ADCY2: variants seen among roughly 807,000 people sequenced by gnomAD.
The protein encoded by ADCY2 is adenylate cyclase type 2.
Under a neutral mutation model 125.2 loss-of-function variants are expected in ADCY2, and 31 were observed. The observed-to-expected ratio is 0.25, with a 90% CI of 0.19 to 0.33. The LOEUF (loss-of-function observed/expected upper bound fraction) is 0.33. Among genes scored for constraint, ADCY2 ranks in the 10% least tolerant of loss-of-function variants. The probability of loss-of-function intolerance (pLI) is 1.00; values close to 1 mark genes in which losing one functional copy is unlikely to be tolerated. For missense variants in ADCY2, 904 were observed against 1,418.2 expected (o/e 0.64, Z 5.82); for synonymous variants, 512 against 548.4 (o/e 0.93, Z 0.93).
chr5:7,410,835 T>A (rs1358621333), intron 1 of ADCY2, among the ~76,000 whole-genome samples: 1 of 152,194 alleles, frequency 6.6e-6, no homozygotes, highest in African/African-American at 2.4e-5. Flanking sequence ...TAAGCTAGTC[T>A]GTCTGTTTTA....
In ADCY2 at chr5:7,715,345, C is replaced by T. The variant is rs558754630; in HGVS notation, c.1623-1812C>T. Among the ~76,000 whole-genome samples the T allele has an allele frequency of 5.3e-5, 8 of 152,240 alleles. No individual in the cohort carries two copies. The East Asian group carries it at 5.8e-4, about 11-fold the overall frequency. Reference sequence around the variant, plus strand: ...TCATTGTTAGCACTGGACAAAATATCGAAGAATTACATTTTCCTGTAAGCC... The same window carrying T: ...TCATTGTTAGCACTGGACAAAATATTGAAGAATTACATTTTCCTGTAAGCC... On this transcript the variant is annotated intron_variant, in intron 11 of 24. Coordinates refer to ENST00000338316, the MANE Select transcript of ADCY2 (RefSeq NM_020546.3).
chr5:7,518,432 C>G (rs1011781854), intron 2 of ADCY2, among the ~76,000 whole-genome samples: 1 of 152,118 alleles, frequency 6.6e-6, no homozygotes, highest in Non-Finnish European at 1.5e-5. Flanking sequence ...TACTTTTTGC[C>G]TTGGTTTCAC....
chr5:7,421,221 C>T (rs893977801), intron 2 of ADCY2, among the ~76,000 whole-genome samples: 4 of 152,186 alleles, frequency 2.6e-5, no homozygotes, highest in Non-Finnish European at 5.9e-5. Context: ...TGTAACTAAG[C>T]CTCTTTCAAG....
chr5:7,666,972 G>A (rs1739778597), intron 4 of ADCY2, among the ~76,000 whole-genome samples: 1 of 152,176 alleles, frequency 6.6e-6, no homozygotes, highest in Admixed American at 6.5e-5. Context: ...ACTCCTCAGG[G>A]ATGGGTTGTG....
intron 4 of ADCY2, among the ~76,000 whole-genome samples, chr5:7,662,751 T>C (rs1739575100): frequency 6.6e-6 from 1 of 152,202 alleles, no homozygotes; most frequent in South Asian, 2.1e-4. Context: ...CCTATCCTGG[T>C]TGTCAGCCTG....
intron 3 of ADCY2, among the ~76,000 whole-genome samples, chr5:7,532,889 C>T (rs1734695987): frequency 6.6e-6 from 1 of 151,796 alleles, no homozygotes; most frequent in African/African-American, 2.4e-5. Context: ...ATAACAAACA[C>T]TTATGCAGCT....
intron 2 of ADCY2, among the ~76,000 whole-genome samples, chr5:7,447,723 T>C (rs1184096019): frequency 6.6e-6 from 1 of 152,126 alleles, no homozygotes; most frequent in African/African-American, 2.4e-5. Context: ...GGGAGCTGGA[T>C]CTTGCAGATG....
chr5:7,589,515 G>GAAAAC (rs1196660906), intron 3 of ADCY2, among the ~76,000 whole-genome samples: 1 of 54,154 alleles, frequency 1.8e-5, no homozygotes, highest in Non-Finnish European at 4.6e-5. Flanking sequence ...AGAAAGAAAA[G>GAAAAC]AAAAGAAAGA....
At chr5:7,537,479 G>A (rs780567809) in intron 3 of ADCY2, among the ~76,000 whole-genome samples, 2 of 152,058 alleles carry the variant, frequency 1.3e-5, no homozygotes, top group Non-Finnish European at 2.9e-5. Flanking sequence ...CCCACTTGTC[G>A]CCTCCTCCAT....
At chr5:7,487,110 T>C (rs1446879876) in intron 2 of ADCY2, among the ~76,000 whole-genome samples, 1 of 152,218 alleles carries the variant, frequency 6.6e-6, no homozygotes, top group East Asian at 1.9e-4. Flanking sequence ...AGGCTATGTG[T>C]GTGATTGCTT....
intron 17 of ADCY2, among the ~76,000 whole-genome samples, chr5:7,772,714 G>A (rs975099324): frequency 6.7e-6 from 1 of 148,814 alleles, no homozygotes; most frequent in Non-Finnish European, 1.5e-5. Context: ...TATTTATCAT[G>A]CAAGGTTGAG....
chr5:7,419,022 G>A (rs16878634), intron 2 of ADCY2, among the ~76,000 whole-genome samples: 2,713 of 152,176 alleles, frequency 0.018, 77 homozygotes, highest in African/African-American at 0.061. Flanking sequence ...GTTGCGGCAC[G>A]TTCACTTTGC....
In ADCY2 at chr5:7,763,488, A is replaced by G. The variant is rs1324013993; in HGVS notation, c.2095-3199A>G. On this transcript the variant is annotated intron_variant, in intron 16 of 24. Coordinates refer to ENST00000338316, the MANE Select transcript of ADCY2 (RefSeq NM_020546.3). Reference sequence around the variant, plus strand: ...TTTAGTAACATTAAGTACATTTGCAATGTTGCGCGACCATCACTACCATCT... The same window carrying G: ...TTTAGTAACATTAAGTACATTTGCAGTGTTGCGCGACCATCACTACCATCT... Among the ~76,000 whole-genome samples the G allele has an allele frequency of 2.6e-5, 4 of 152,128 alleles. No individual in the cohort carries two copies. In the South Asian group the frequency reaches 8.3e-4, roughly 32 times the overall value.
At chr5:7,552,495 G>C (rs191402132) in intron 3 of ADCY2, among the ~76,000 whole-genome samples, 44 of 152,220 alleles carry the variant, frequency 2.9e-4, no homozygotes, top group Admixed American at 2.7e-3. Flanking sequence ...AAGAATATTA[G>C]AAGAAATTTT....
intron 2 of ADCY2, among the ~76,000 whole-genome samples, chr5:7,463,727 C>T (rs1403653506): frequency 6.6e-6 from 1 of 151,988 alleles, no homozygotes; most frequent in East Asian, 1.9e-4. Flanking sequence ...ATTTACTCTT[C>T]CCCTCCAGAA....
intron 3 of ADCY2, among the ~76,000 whole-genome samples, chr5:7,615,642 C>T (rs1228510774): frequency 6.6e-6 from 1 of 152,112 alleles, no homozygotes; most frequent in East Asian, 1.9e-4. Context: ...GGTTTCCAGA[C>T]TGTGTTCCAA....
Position 7,690,720 on chromosome 5 carries a change from C to T in ADCY2, c.750C>T (p.Ala250=). ...GGCTTCTGCTCTCCCTGCTGCCGGC[C>T]CACATCGCCATGGAGATGAAAGCGG... ...QERLLLSLLP[A]HIAMEMKAEI... is the part of the protein sequence containing the mutation. The change falls in exon 5 of 25, where the codon GCC becomes GCT. Residue 250 remains alanine (A), a synonymous_variant. Coordinates refer to ENST00000338316, the MANE Select transcript of ADCY2 (RefSeq NM_020546.3). The T allele has an allele frequency of 5.0e-6, 8 of 1,602,636 alleles. No individual in the cohort carries two copies. The highest frequency in any genetic ancestry group is 6.8e-6 in the Non-Finnish European group (8 of 1,175,608).
In ADCY2 at chr5:7,590,047, C is replaced by T. The variant is rs546257571; in HGVS notation, c.571-36120C>T. Among the ~76,000 whole-genome samples, 18 of 152,216 alleles carry T rather than the reference C, an allele frequency of 1.2e-4. No homozygotes were observed. In the South Asian group the frequency reaches 3.7e-3, roughly 32 times the overall value. ...CTGGTACGTCTGGCTGCTGGAGAAA[C>T]CCAAATCCCATGGCCAAGCAAGGAT... On this transcript the variant is annotated intron_variant, in intron 3 of 24. Coordinates refer to ENST00000338316, the MANE Select transcript of ADCY2 (RefSeq NM_020546.3).
intron 4 of ADCY2, among the ~76,000 whole-genome samples, chr5:7,656,748 G>A (rs1739347462): frequency 6.6e-6 from 1 of 152,218 alleles, no homozygotes; most frequent in South Asian, 2.1e-4. Context: ...ATGTGCGATT[G>A]TAATCCCTCT....
Sources: allele counts gnomAD v4.1 joint callset (sites outside exome capture counted in the v4.1 genomes callset), GRCh38; gene constraint gnomAD v4.1.1; transcripts MANE v1.5; gene names NCBI Gene and HGNC (gene_info 2026-07-23, HGNC 2026-07-21).